The following FAM53A variants were observed in gnomAD, a reference collection of about 807,000 sequenced individuals.
FAM53A encodes the protein family with sequence similarity 53 member A.
A neutral mutation model predicts 26.6 loss-of-function variants in FAM53A; 28 were observed. The ratio of observed to expected loss-of-function variants is 1.05; its 90% CI spans 0.78 to 1.45. FAM53A has a LOEUF of 1.45. FAM53A is among the 40% of genes most tolerant of loss of function. The pLI is 0.00. For missense variants in FAM53A, 650 were observed against 575.8 expected (o/e 1.13, Z -1.32); for synonymous variants, 290 against 253.1 (o/e 1.15, Z -1.38).
At chr4:1,643,462 T>C (rs1032817469) in intron 4 of FAM53A, among the ~76,000 whole-genome samples, 4 of 151,746 alleles carry the variant, frequency 2.6e-5, no homozygotes, top group African/African-American at 9.7e-5. Context: ...TGAGACTCTG[T>C]CTCAAAAAAA....
Position 1,657,449 on chromosome 4 carries a change from G to A in FAM53A, c.95C>T (p.Thr32Ile), listed in dbSNP as rs750119361. Residue 32 changes from threonine to isoleucine, a missense_variant, in exon 3 of 5, where the codon ACC (threonine) becomes ATC (isoleucine). Transcript: ENST00000308132. ...EAGPLQYSAE[T>I]LNKSGRLFPL... ...GAACAGACGACCGCTCTTGTTCAGG[G>A]TTTCCGCAGAATACTGCAACTGACA... 6.2e-7 allele frequency: 1 copy of A among 1,613,912 alleles called. No individual in the cohort carries two copies. Among genetic ancestry groups the A allele is most frequent in the South Asian group, 1.1e-5 (1 of 91,010 alleles).
chr4:1,584,723 C>T, the FAM53A span, among the ~76,000 whole-genome samples: 1 of 152,230 alleles, frequency 6.6e-6, no homozygotes, highest in African/African-American at 2.4e-5. Context: ...TCCAGCATGG[C>T]GGTCTTGAGA....
At chr4:1,646,745 T>G (rs753250822) in intron 4 of FAM53A, among the ~76,000 whole-genome samples, 25 of 152,222 alleles carry the variant, frequency 1.6e-4, no homozygotes, top group Non-Finnish European at 2.6e-4. Flanking sequence ...ATGTAACTGC[T>G]GGCCCCAAAG....
chr4:1,618,976 C>T (rs948993879), intron 1 of FAM53A, among the ~76,000 whole-genome samples: 18 of 152,350 alleles, frequency 1.2e-4, no homozygotes, highest in African/African-American at 3.8e-4. Flanking sequence ...AACCCAGCAA[C>T]GCTGCTCCAC....
chr4:1,584,344 G>T, the FAM53A span, among the ~76,000 whole-genome samples: 2 of 152,138 alleles, frequency 1.3e-5, no homozygotes, highest in Non-Finnish European at 2.9e-5. Context: ...TTATGTTTAG[G>T]TTTCTCTTTG....
chr4:1,623,021 C>T (rs1169549233), intron 1 of FAM53A, among the ~76,000 whole-genome samples: 1 of 152,244 alleles, frequency 6.6e-6, no homozygotes, highest in African/African-American at 2.4e-5. Flanking sequence ...AACGAAGGCA[C>T]AGGCGCTGAA....
intron 1 of FAM53A, among the ~76,000 whole-genome samples, chr4:1,672,970 A>G (rs1714789142): frequency 6.6e-6 from 1 of 152,084 alleles, no homozygotes; most frequent in Admixed American, 6.5e-5. Flanking sequence ...GCATTTCGCC[A>G]TGTTGGCCAG....
chr4:1,592,888 C>A, the FAM53A span, among the ~76,000 whole-genome samples: 1 of 151,666 alleles, frequency 6.6e-6, no homozygotes, highest in Non-Finnish European at 1.5e-5. Flanking sequence ...GCAGGAGGGG[C>A]GTCTGCAGGG....
intron 3 of FAM53A, among the ~76,000 whole-genome samples, chr4:1,655,950 G>C (rs1453491250): frequency 1.3e-5 from 2 of 152,198 alleles, no homozygotes; most frequent in Non-Finnish European, 2.9e-5. Context: ...GGGACACCGT[G>C]TCTGAAGGAG....
chr4:1,668,895 AG>A lies in FAM53A; in HGVS notation c.-155del, dbSNP rs1377052441. On this transcript the variant is annotated 5_prime_UTR_variant, in exon 2 of 5. Coordinates refer to ENST00000308132, the MANE Select transcript of FAM53A (RefSeq NM_001174070.3). ...AGCAGTCCACGCCCACGGGCTCTTC[AG>A]GATTTGTGCCTGTTTCTCAGAAGAG... is the stretch of plus-strand genomic sequence containing the variant. 2.5e-5 allele frequency: 15 copies of A among 606,180 alleles called. No homozygotes were observed. Among genetic ancestry groups the A allele is most frequent in the Non-Finnish European group, 4.1e-5 (14 of 344,854 alleles). The allele number at this position is 606,180 out of a possible 1,614,324, so 37.6% of individuals were successfully genotyped here.
At chr4:1,626,725 G>A (rs1200614631) in intron 1 of FAM53A, among the ~76,000 whole-genome samples, 6 of 151,518 alleles carry the variant, frequency 4.0e-5, no homozygotes, top group Non-Finnish European at 8.8e-5. Flanking sequence ...GATGTTTTGA[G>A]TCTGGGGGAC....
upstream of FAM53A, among the ~76,000 whole-genome samples, chr4:1,684,474 G>C (rs1715676136): frequency 6.7e-6 from 1 of 150,318 alleles, no homozygotes; most frequent in East Asian, 2.0e-4. Flanking sequence ...AGGCGCCCAG[G>C]CTCGCACCGC....
chr4:1,625,286 C>A lies in FAM53A; in HGVS notation c.432-7175G>T, dbSNP rs572730845. 2.7e-4 allele frequency among the ~76,000 whole-genome samples: 14 copies of A among 52,250 alleles called. 2 individuals are homozygous for A. The highest frequency in any genetic ancestry group is 2.0e-3 in the African/African-American group (14 of 7,004). 34.3% of individuals were successfully genotyped at this position (52,250 alleles called of 152,430 possible). A position where few individuals can be genotyped will look rare whatever the true frequency, so the allele number is the denominator to read the frequency against. On this transcript the variant is annotated intron_variant, in intron 1 of 1. Transcript: ENST00000489029. ...CCGACCCACGTGGTCAGGGGTCACACCAGGTGATCAGAAGGCCCCACGTCC... is the reference window on the plus strand; with the variant it reads ...CCGACCCACGTGGTCAGGGGTCACAACAGGTGATCAGAAGGCCCCACGTCC...
Position 1,643,738 on chromosome 4 carries a change from T to G in FAM53A, c.883-2131A>C, listed in dbSNP as rs531938495. ...CATACCATCATGCCGGTCTAATTTT[T>G]GTATTTTCTGTAGCGATGGGGTCTC... On this transcript the variant is annotated intron_variant, in intron 4 of 4. Coordinates refer to ENST00000308132, the MANE Select transcript of FAM53A (RefSeq NM_001174070.3). Among the ~76,000 whole-genome samples, 644 of 151,882 alleles carry G rather than the reference T, an allele frequency of 4.2e-3. 7 individuals carry two copies. Among genetic ancestry groups the G allele is most frequent in the African/African-American group, 0.015 (620 of 41,438 alleles).
chr4:1,624,639 C>T (rs1393791338), intron 1 of FAM53A, among the ~76,000 whole-genome samples: 1 of 152,234 alleles, frequency 6.6e-6, no homozygotes, highest in Non-Finnish European at 1.5e-5. Context: ...AAGGTGAGGA[C>T]TCACAGCCAG....
chr4:1,584,841 G>C, the FAM53A span, among the ~76,000 whole-genome samples: 1 of 152,228 alleles, frequency 6.6e-6, no homozygotes, highest in Non-Finnish European at 1.5e-5. Context: ...GTCATGCAGT[G>C]TCATTTGCAT....
At chr4:1,594,012 A>C in the FAM53A span, among the ~76,000 whole-genome samples, 2 of 152,142 alleles carry the variant, frequency 1.3e-5, no homozygotes, top group Non-Finnish European at 2.9e-5. Context: ...CCCGAGGGAG[A>C]GCAGGGGCCG....
Position 1,644,064 on chromosome 4 carries a change from C to T in FAM53A, c.883-2457G>A, listed in dbSNP as rs924323513. On this transcript the variant is annotated intron_variant, in intron 4 of 4. Coordinates refer to ENST00000308132, the MANE Select transcript of FAM53A (RefSeq NM_001174070.3). The stretch of plus-strand genomic sequence containing the variant: ...CGTGGAGGTCCGGGTCTCACCAGCT[C>T]GGTCTGGTGTCACCCGTGACCTTGC... 6.1e-6 allele frequency: 8 copies of T among 1,307,920 alleles called. 1 individual carries two copies. Among genetic ancestry groups the T allele is most frequent in the East Asian group, 2.5e-5 (1 of 39,428 alleles). 81.0% of individuals were successfully genotyped at this position (1,307,920 alleles called of 1,614,324 possible).
chr4:1,582,244 G>T, the FAM53A span, among the ~76,000 whole-genome samples: 1 of 152,262 alleles, frequency 6.6e-6, no homozygotes, highest in Admixed American at 6.5e-5. Flanking sequence ...GGGCAGTGTG[G>T]CAGGGCAGAT....
Sources: gnomAD v4.1 joint callset for allele counts (sites outside exome capture counted in the v4.1 genomes callset) on GRCh38, gnomAD v4.1.1 for gene constraint, MANE v1.5 for transcripts, NCBI Gene and HGNC (gene_info 2026-07-23, HGNC 2026-07-21) for gene names.